ABCB4: variants seen among roughly 807,000 people sequenced by gnomAD.
ABCB4 encodes ATP binding cassette subfamily B member 4.
In ABCB4, 76 loss-of-function variants were observed where a neutral mutation model predicts 145.7. The observed-to-expected ratio is 0.52, with a 90% confidence interval of 0.43 to 0.63. ABCB4 has a LOEUF of 0.63. Ranked by LOEUF, ABCB4 falls within the 30% of genes least tolerant of loss-of-function variation. ABCB4 has a pLI of 0.00. For synonymous variants in ABCB4, 517 were observed against 566.8 expected (o/e 0.91, Z 1.25); for missense variants, 1,234 against 1,553.1 (o/e 0.79, Z 3.45).
At chr7:87,409,938 A>C (rs1175931155) in intron 23 of ABCB4, among the ~76,000 whole-genome samples, 1 of 152,160 alleles carries the variant, frequency 6.6e-6, no homozygotes, top group Non-Finnish European at 1.5e-5. Flanking sequence ...ATAGCTTTTT[A>C]TTTACAATTA....
chr7:87,401,870 T>G lies in ABCB4; in HGVS notation c.*226A>C. The G allele has an allele frequency of 1.4e-6, 1 of 692,000 alleles. No individual in the cohort carries two copies. Among genetic ancestry groups the G allele is most frequent in the Non-Finnish European group, 2.6e-6 (1 of 386,518 alleles). The allele number at this position is 692,000 out of a possible 1,614,324, so 42.9% of individuals were successfully genotyped here. A position where few individuals can be genotyped will look rare whatever the true frequency, so the allele number is the denominator to read the frequency against. On this transcript the variant is annotated 3_prime_UTR_variant, in exon 28 of 28. Coordinates refer to ENST00000649586, the MANE Select transcript of ABCB4 (RefSeq NM_000443.4). ...TCTTTTTCTGGATGTTTCTAATAACTTAGGGAGAGCTAGCCTGTTGTTTCA... is the reference window on the plus strand; with the variant it reads ...TCTTTTTCTGGATGTTTCTAATAACGTAGGGAGAGCTAGCCTGTTGTTTCA...
Position 87,472,685 on chromosome 7 carries a change from A to G in ABCB4, c.81-10T>C, listed in dbSNP as rs1813511145. ...TTTCCTTTTTTGTTTGCTGTAAAAAATAGAATTGCTTCAATTTAAAACTGT... is the reference window on the plus strand; with the variant it reads ...TTTCCTTTTTTGTTTGCTGTAAAAAGTAGAATTGCTTCAATTTAAAACTGT... On this transcript the variant is annotated splice_polypyrimidine_tract_variant and intron_variant, in intron 2 of 27. Transcript: ENST00000649586. 6.4e-7 allele frequency: 1 copy of G among 1,572,242 alleles called. No homozygotes were observed. Among genetic ancestry groups the G allele is most frequent in the South Asian group, 1.1e-5 (1 of 89,986 alleles).
intron 25 of ABCB4, 159 bp from the exon 26 acceptor site, chr7:87,406,653 AC>A: frequency 1.3e-6 from 1 of 774,332 alleles, no homozygotes; most frequent in Non-Finnish European, 2.1e-6. Context: ...AGCATGGCCA[AC>A]ATGATGATTT....
At chr7:87,413,816 C>G in intron 21 of ABCB4, 99 bp from the exon 22 acceptor site, 1 of 820,316 alleles carries the variant, frequency 1.2e-6, no homozygotes, top group South Asian at 1.4e-5. Flanking sequence ...CTGAAGGTTA[C>G]GTTGATAGGC....
downstream of ABCB4, among the ~76,000 whole-genome samples, chr7:87,400,869 G>A (rs1807750125): frequency 6.6e-6 from 1 of 152,146 alleles, no homozygotes; most frequent in African/African-American, 2.4e-5. Context: ...TTTGGAGACT[G>A]CATCACCTGC....
the ABCB4 span, among the ~76,000 whole-genome samples, chr7:87,367,231 G>A: frequency 1.3e-5 from 2 of 152,194 alleles, no homozygotes; most frequent in Non-Finnish European, 2.9e-5. Flanking sequence ...ATGGAAGAGG[G>A]AGGCAAAGGA....
At chr7:87,462,124 A>ACTC (rs1812497652) in intron 4 of ABCB4, among the ~76,000 whole-genome samples, 1 of 152,154 alleles carries the variant, frequency 6.6e-6, no homozygotes. Flanking sequence ...TTGGAGCCCC[A>ACTC]CTGTAATGCT....
the ABCB4 span, among the ~76,000 whole-genome samples, chr7:87,390,767 A>G: frequency 2.6e-5 from 4 of 152,368 alleles, no homozygotes; most frequent in East Asian, 1.9e-4. Context: ...ATATGGAGGC[A>G]CTAAAGGTCA....
At chr7:87,397,026 A>C (rs1033790696), downstream of ABCB4, among the ~76,000 whole-genome samples, 3 of 151,996 alleles carry the variant, frequency 2.0e-5, no homozygotes, top group Admixed American at 1.3e-4. Flanking sequence ...ATCCTTTCTC[A>C]TTTCATCACA....
Position 87,406,289 on chromosome 7 carries a change from TG to T in ABCB4, c.3484del (p.His1162ThrfsTer67). The part of the protein sequence containing the change: ...NIHPFIETLP[H>X]KYETRVGDKG... The stretch of plus-strand genomic sequence containing the variant: ...GATTTCAGCTACTCTTTAACTTACG[TG>T]GGGTAACGTCTCGATGAAAGGATGT... On this transcript the variant is annotated frameshift_variant and splice_region_variant, in exon 26 of 28. Coordinates refer to ENST00000649586, the MANE Select transcript of ABCB4 (RefSeq NM_000443.4). LOFTEE classifies it high-confidence loss of function. 1 of 1,614,020 alleles carries T rather than the reference TG, an allele frequency of 6.2e-7. No homozygotes were observed. Among genetic ancestry groups the T allele is most frequent in the Non-Finnish European group, 8.5e-7 (1 of 1,179,946 alleles).
chr7:87,439,030 A>T (rs1270926169), intron 14 of ABCB4, among the ~76,000 whole-genome samples: 1 of 152,160 alleles, frequency 6.6e-6, no homozygotes, highest in African/African-American at 2.4e-5. Context: ...TGACTCTGGT[A>T]TTTACATTGT....
chr7:87,438,695 G>A (rs1199204828), intron 14 of ABCB4, among the ~76,000 whole-genome samples: 1 of 152,158 alleles, frequency 6.6e-6, no homozygotes, highest in Non-Finnish European at 1.5e-5. Context: ...GCTGCAGGGA[G>A]CCATAATCAC....
intron 14 of ABCB4, among the ~76,000 whole-genome samples, chr7:87,433,659 AC>A (rs1475150954): frequency 1.3e-5 from 2 of 150,898 alleles, no homozygotes; most frequent in African/African-American, 2.5e-5. Context: ...GAGCTTTGAC[AC>A]AAAAAATTGT....
chr7:87,388,182 G>A, the ABCB4 span, among the ~76,000 whole-genome samples: 4 of 151,970 alleles, frequency 2.6e-5, no homozygotes, highest in African/African-American at 9.7e-5. Context: ...TCATATCCTG[G>A]CTGCTCTAAC....
At chr7:87,417,941 A>G (rs541430641) in intron 20 of ABCB4, among the ~76,000 whole-genome samples, 1 of 152,392 alleles carries the variant, frequency 6.6e-6, no homozygotes, top group African/African-American at 2.4e-5. Flanking sequence ...GACATCCACC[A>G]CAAAGCACAT....
chr7:87,436,422 A>G (rs990951728), intron 14 of ABCB4, among the ~76,000 whole-genome samples: 1 of 152,200 alleles, frequency 6.6e-6, no homozygotes. Context: ...TAAAATATAT[A>G]GGCATAACTT....
chr7:87,435,651 G>A (rs1373933733), intron 14 of ABCB4, among the ~76,000 whole-genome samples: 1 of 152,184 alleles, frequency 6.6e-6, no homozygotes, highest in African/African-American at 2.4e-5. Context: ...GAATATTCCA[G>A]CCCAGGTGAC....
At chr7:87,446,976 AG>A in intron 9 of ABCB4, 57 bp downstream of exon 9, 1 of 1,457,402 alleles carries the variant, frequency 6.9e-7, no homozygotes, top group East Asian at 2.3e-5. Flanking sequence ...AGAAAAGAGA[AG>A]GTAGATGGAG....
chr7:87,445,043 G>A, intron 9 of ABCB4, 68 bp from the exon 10 acceptor site: 1 of 1,028,942 alleles, frequency 9.7e-7, no homozygotes, highest in South Asian at 1.3e-5. Flanking sequence ...AAAATGTGAT[G>A]TATATGTAAC....
Sources: gnomAD v4.1 joint callset for allele counts (sites outside exome capture counted in the v4.1 genomes callset) on GRCh38, gnomAD v4.1.1 for gene constraint, MANE v1.5 for transcripts, NCBI Gene and HGNC (gene_info 2026-07-23, HGNC 2026-07-21) for gene names.